Variants in CCDC88C observed in about 807,000 individuals in gnomAD.
CCDC88C encodes the protein coiled-coil and HOOK domain protein 88C.
Under a neutral mutation model 198.8 loss-of-function variants are expected in CCDC88C, and 131 were observed. That is an observed-to-expected ratio of 0.66 (90% CI 0.57 to 0.76). CCDC88C has a LOEUF of 0.76. CCDC88C is among the 30% of genes least tolerant of loss of function. The probability of loss-of-function intolerance (pLI) is 0.00; values close to 1 mark genes in which losing one functional copy is unlikely to be tolerated. For missense variants in CCDC88C, 2,553 were observed against 2,631.6 expected (o/e 0.97, Z 0.65); for synonymous variants, 1,166 against 1,114.7 (o/e 1.05, Z -0.92).
chr14:91,347,120 A>C lies in CCDC88C; in HGVS notation c.341-3463T>G, dbSNP rs7156818. On this transcript the variant is annotated intron_variant, in intron 4 of 29. Transcript: ENST00000389857. The stretch of plus-strand genomic sequence containing the variant: ...GGCTTGTCTTCCTACAATGAGACTC[A>C]CTTTTTGAAAGGCCACTCACCTGGT... Among the ~76,000 whole-genome samples the C allele has an allele frequency of 3.2e-3, 487 of 152,216 alleles. 6 individuals are homozygous for C. Among genetic ancestry groups the C allele is most frequent in the African/African-American group, 0.011 (462 of 41,524 alleles).
At chr14:91,295,659 C>A (rs143108197) in intron 22 of CCDC88C, among the ~76,000 whole-genome samples, 6 of 152,352 alleles carry the variant, frequency 3.9e-5, no homozygotes, top group Non-Finnish European at 8.8e-5. Flanking sequence ...GGCATATGGG[C>A]TCCTGGAGAG....
intron 3 of CCDC88C, among the ~76,000 whole-genome samples, chr14:91,361,574 CA>C (rs1374405926): frequency 6.6e-6 from 1 of 152,174 alleles, no homozygotes. Context: ...CTGAACACAC[CA>C]ACCCCCCTCC....
At chr14:91,322,940 C>G (rs1310835412) in intron 12 of CCDC88C, among the ~76,000 whole-genome samples, 1 of 139,046 alleles carries the variant, frequency 7.2e-6, no homozygotes, top group Non-Finnish European at 1.5e-5. Flanking sequence ...GAATCTCACT[C>G]TCTCACCCAG....
chr14:91,349,694 G>C (rs905135385), intron 4 of CCDC88C, among the ~76,000 whole-genome samples: 2 of 152,112 alleles, frequency 1.3e-5, no homozygotes, highest in African/African-American at 4.8e-5. Flanking sequence ...CTGGAGTCTT[G>C]ACACAAAGAA....
intron 3 of CCDC88C, among the ~76,000 whole-genome samples, chr14:91,366,555 T>C (rs147417544): frequency 2.0e-3 from 310 of 152,068 alleles, no homozygotes; most frequent in African/African-American, 6.9e-3. Context: ...TATATCCATA[T>C]ATCTATAGCC....
chr14:91,303,720 G>T lies in CCDC88C; in HGVS notation c.3616C>A (p.His1206Asn), dbSNP rs370099935. The T allele has an allele frequency of 8.8e-6, 14 of 1,597,970 alleles. No individual in the cohort carries two copies. In the African/African-American group the frequency reaches 1.9e-4, roughly 21 times the overall value. The change falls in exon 20 of 30, where the codon CAC becomes AAC. Residue 1206 changes from histidine (H) to asparagine (N), a missense_variant. Transcript: ENST00000389857. ...KTLHRNLELE[H>N]KELGERHGDM... is the part of the protein sequence containing the mutation. ...CCCTACCTCTCCCCGAGCTCCTTGT[G>T]CTCCAGCTCCAGATTCCGATGCAGT...
At chr14:91,411,962 C>CAAA (rs35255337) in intron 2 of CCDC88C, among the ~76,000 whole-genome samples, 92 of 97,842 alleles carry the variant, frequency 9.4e-4, no homozygotes, top group African/African-American at 2.5e-3. Flanking sequence ...GACTCCATCT[C>CAAA]AAAAAAAAAA....
At chr14:91,279,452 T>C in intron 27 of CCDC88C, 146 bp from the exon 28 acceptor site, 1 of 626,042 alleles carries the variant, frequency 1.6e-6, no homozygotes, top group African/African-American at 1.8e-5. Context: ...TGGGACTCCC[T>C]CTGCGCTCCA....
chr14:91,302,241 A>G (rs554538925), intron 20 of CCDC88C, among the ~76,000 whole-genome samples: 37 of 152,294 alleles, frequency 2.4e-4, no homozygotes, highest in African/African-American at 7.9e-4. Flanking sequence ...TGAAGAACCA[A>G]CGATCACTTA....
chr14:91,369,055 G>A (rs1055527715), intron 3 of CCDC88C, among the ~76,000 whole-genome samples: 7 of 152,192 alleles, frequency 4.6e-5, no homozygotes, highest in African/African-American at 1.4e-4. Flanking sequence ...GCACAATGTC[G>A]CTGATCGTTT....
At position 91,298,328 on chromosome 14, in the gene CCDC88C, C is replaced by T. The variant is rs528870173; in HGVS notation, c.3780-837G>A. 8.0e-3 allele frequency among the ~76,000 whole-genome samples: 1,218 copies of T among 151,934 alleles called. 9 individuals carry two copies. The highest frequency in any genetic ancestry group is 0.014 in the Non-Finnish European group (945 of 67,970). ...GGCGGAGCTTGCAGTGAGCCGAGAT[C>T]GCGCCACTGCACTCCAGCCTGGTGA... On this transcript the variant is annotated intron_variant, in intron 21 of 29. Transcript: ENST00000389857.
intron 3 of CCDC88C, among the ~76,000 whole-genome samples, chr14:91,375,011 C>T (rs1054567696): frequency 2.0e-5 from 3 of 152,178 alleles, no homozygotes; most frequent in East Asian, 3.9e-4. Flanking sequence ...TACAACATGC[C>T]GAGGGGATGT....
intron 3 of CCDC88C, among the ~76,000 whole-genome samples, chr14:91,375,208 C>T (rs1263195110): frequency 1.3e-5 from 2 of 152,176 alleles, no homozygotes; most frequent in African/African-American, 2.4e-5. Flanking sequence ...CATCATTTGC[C>T]AAATGAGCTA....
At chr14:91,289,376 G>A (rs754008468) in intron 24 of CCDC88C, 33 bp from the exon 25 acceptor site, 15 of 1,585,202 alleles carry the variant, frequency 9.5e-6, no homozygotes, top group African/African-American at 1.3e-5. Context: ...GACATAGCCA[G>A]CCCTCCCACA....
intron 22 of CCDC88C, among the ~76,000 whole-genome samples, chr14:91,297,053 C>T (rs1312659240): frequency 6.6e-6 from 1 of 152,212 alleles, no homozygotes; most frequent in Non-Finnish European, 1.5e-5. Flanking sequence ...CATCAACCGT[C>T]CCCACTGTGC....
intron 23 of CCDC88C, among the ~76,000 whole-genome samples, chr14:91,293,329 CCAAAGCTCACCTTCCTGT>C (rs1890777090): frequency 1.8e-4 from 26 of 141,198 alleles, no homozygotes; most frequent in South Asian, 7.0e-4. Context: ...TCCTCACCTG[CCAAAGCTCACCTTCCTGT>C]CCCCTCGCCT....
chr14:91,350,774 C>G (rs1290570767), intron 4 of CCDC88C, among the ~76,000 whole-genome samples: 3 of 152,204 alleles, frequency 2.0e-5, no homozygotes, highest in Admixed American at 2.0e-4. Context: ...CCTGGAAGGA[C>G]TGACCATATT....
chr14:91,276,362 T>C (rs542598561), intron 29 of CCDC88C, among the ~76,000 whole-genome samples: 19 of 152,258 alleles, frequency 1.2e-4, no homozygotes, highest in Non-Finnish European at 2.8e-4. Flanking sequence ...CAGCTTTGGC[T>C]TCTCCAGCTC....
chr14:91,294,115 CTG>C (rs1453097964), intron 23 of CCDC88C, 56 bp downstream of exon 23: 1 of 1,599,888 alleles, frequency 6.3e-7, no homozygotes, highest in Non-Finnish European at 8.6e-7. Flanking sequence ...CCTCCAGAGA[CTG>C]AGGATGTGCA....
Sources: gnomAD v4.1 joint callset for allele counts (sites outside exome capture counted in the v4.1 genomes callset) on GRCh38, gnomAD v4.1.1 for gene constraint, MANE v1.5 for transcripts, NCBI Gene and HGNC (gene_info 2026-07-23, HGNC 2026-07-21) for gene names.